SLC35F4: variants seen among roughly 807,000 people sequenced by gnomAD.
SLC35F4 encodes the protein solute carrier family 35 member F4, also known as chromosome 14 open reading frame 36.
SLC35F4 carries 24 observed loss-of-function variants against 44.2 expected under a neutral mutation model. The ratio of observed to expected loss-of-function variants is 0.54; its 90% CI spans 0.39 to 0.76. The LOEUF is 0.76. Among genes scored for constraint, SLC35F4 ranks in the 30% least tolerant of loss-of-function variants. SLC35F4 has a pLI of 0.00. For synonymous variants in SLC35F4, 238 were observed against 223.6 expected, an observed-to-expected ratio of 1.06 and a Z score of -0.57; for missense variants, 562 against 586.1, an observed-to-expected ratio of 0.96 and a Z score of 0.42.
intron 1 of SLC35F4, among the ~76,000 whole-genome samples, chr14:57,919,890 T>C (rs998248787): frequency 5.9e-5 from 9 of 152,128 alleles, no homozygotes; most frequent in African/African-American, 2.2e-4. Context: ...GAGAAAGTGG[T>C]GATTCTTTTA....
intron 1 of SLC35F4, among the ~76,000 whole-genome samples, chr14:57,737,219 A>G (rs2076488543): frequency 6.6e-6 from 1 of 152,006 alleles, no homozygotes; most frequent in Non-Finnish European, 1.5e-5. Context: ...TATCCAAAGC[A>G]ATATGTGCTA....
chr14:57,901,927 C>G (rs1889009082), intron 1 of SLC35F4, among the ~76,000 whole-genome samples: 1 of 152,030 alleles, frequency 6.6e-6, no homozygotes, highest in African/African-American at 2.4e-5. Context: ...CTGACCTCCA[C>G]TCAGTACTCA....
chr14:57,891,512 A>G lies in SLC35F4; in HGVS notation n.282+90401T>C, dbSNP rs533544344. On this transcript the variant is annotated intron_variant and non_coding_transcript_variant, in intron 1 of 1. Coordinates refer to the SLC35F4 transcript ENST00000556568. ...TATATATTTGGAAAAGCACTCTATC[A>G]CAAATGTAGCTAACTCAGATTAGTA... is the stretch of plus-strand genomic sequence containing the variant. Among the ~76,000 whole-genome samples the G allele has an allele frequency of 8.5e-5, 13 of 152,256 alleles. No individual in the cohort carries two copies. The South Asian group carries it at 2.7e-3, about 32-fold the overall frequency.
At chr14:57,680,691 G>A (rs2074867714) in intron 1 of SLC35F4, among the ~76,000 whole-genome samples, 1 of 152,098 alleles carries the variant, frequency 6.6e-6, no homozygotes, top group South Asian at 2.1e-4. Context: ...CAAAATCCAT[G>A]TGCAAAAATC....
intron 1 of SLC35F4, among the ~76,000 whole-genome samples, chr14:57,827,645 C>T (rs1165917604): frequency 6.6e-6 from 1 of 151,980 alleles, no homozygotes; most frequent in Admixed American, 6.6e-5. Context: ...CAAGTACTGA[C>T]CCGTTGTCCA....
intron 1 of SLC35F4, among the ~76,000 whole-genome samples, chr14:57,641,262 G>T (rs201865187): frequency 2.0e-5 from 3 of 152,042 alleles, no homozygotes; most frequent in Admixed American, 2.0e-4. Context: ...TTTTAAATGA[G>T]CCTATGACAA....
At chr14:57,596,601 C>T in intron 1 of SLC35F4, 1 of 432,480 alleles carries the variant, frequency 2.3e-6, no homozygotes, top group South Asian at 1.8e-5. Context: ...AATCCCTTGG[C>T]AATTATACAT....
intron 1 of SLC35F4, among the ~76,000 whole-genome samples, chr14:57,762,451 C>G (rs2077146846): frequency 6.6e-6 from 1 of 152,126 alleles, no homozygotes; most frequent in South Asian, 2.1e-4. Context: ...CACCTTGCTA[C>G]TTGCTATTGA....
At chr14:57,954,320 G>A (rs1464281325) in intron 1 of SLC35F4, among the ~76,000 whole-genome samples, 1 of 152,142 alleles carries the variant, frequency 6.6e-6, no homozygotes, top group Admixed American at 6.5e-5. Flanking sequence ...ACAGGAGAAA[G>A]CAGGAAAGAT....
chr14:57,878,766 ATCTAGTATAGTGCCAGGCACAG>A (rs1888455947), intron 1 of SLC35F4, among the ~76,000 whole-genome samples: 1 of 151,592 alleles, frequency 6.6e-6, no homozygotes, highest in Non-Finnish European at 1.5e-5. Context: ...TATTCCCAAC[ATCTAGTATAGTGCCAGGCACAG>A]AGTAGGCACT....
At chr14:57,581,548 A>G (rs2069259813) in intron 3 of SLC35F4, 115 bp from the exon 4 acceptor site, 2 of 900,436 alleles carry the variant, frequency 2.2e-6, no homozygotes, top group Non-Finnish European at 3.4e-6. Flanking sequence ...CCCATCCTTC[A>G]TTGTGAAGTA....
intron 1 of SLC35F4, among the ~76,000 whole-genome samples, chr14:57,918,502 T>C (rs1050273904): frequency 6.6e-6 from 1 of 152,192 alleles, no homozygotes. Flanking sequence ...CTAGTTAGGA[T>C]GGAGTGGTGA....
intron 6 of SLC35F4, among the ~76,000 whole-genome samples, chr14:57,568,964 T>C (rs2068345249): frequency 1.3e-5 from 2 of 152,086 alleles, no homozygotes; most frequent in African/African-American, 4.8e-5. Context: ...GCCTTATTAT[T>C]TTTCAGGCTC....
chr14:57,814,235 G>A (rs1046731284), intron 1 of SLC35F4, among the ~76,000 whole-genome samples: 2 of 152,334 alleles, frequency 1.3e-5, no homozygotes, highest in Admixed American at 6.5e-5. Flanking sequence ...GTGCAATCAA[G>A]TTCATTAAAC....
intron 1 of SLC35F4, among the ~76,000 whole-genome samples, chr14:57,851,016 T>C (rs1448816779): frequency 6.6e-6 from 1 of 152,202 alleles, no homozygotes. Context: ...AGTAGATCTC[T>C]AATTTCATTT....
intron 1 of SLC35F4, among the ~76,000 whole-genome samples, chr14:57,653,613 A>G (rs2073862693): frequency 6.6e-6 from 1 of 152,238 alleles, no homozygotes; most frequent in Non-Finnish European, 1.5e-5. Flanking sequence ...AACAACTGTC[A>G]GAAACACAAA....
intron 1 of SLC35F4, among the ~76,000 whole-genome samples, chr14:57,612,392 CA>C (rs1453497900): frequency 1.3e-5 from 2 of 152,208 alleles, no homozygotes; most frequent in East Asian, 1.9e-4. Flanking sequence ...CGCTTCTCCC[CA>C]CCCAGCAGTT....
chr14:57,771,770 T>G (rs1018510271), intron 1 of SLC35F4, among the ~76,000 whole-genome samples: 1 of 152,116 alleles, frequency 6.6e-6, no homozygotes. Context: ...AACAAAATAT[T>G]TTTTGGAGAA....
At chr14:57,615,983 C>A (rs1166141846) in intron 1 of SLC35F4, among the ~76,000 whole-genome samples, 1 of 152,166 alleles carries the variant, frequency 6.6e-6, no homozygotes. Flanking sequence ...TGATTTTCTA[C>A]ATTTAAAATT....
Sources: gnomAD v4.1 joint callset for allele counts (sites outside exome capture counted in the v4.1 genomes callset) on GRCh38, gnomAD v4.1.1 for gene constraint, MANE v1.5 for transcripts, NCBI Gene and HGNC (gene_info 2026-07-23, HGNC 2026-07-21) for gene names.